Variants in POLD3 observed in about 807,000 individuals in gnomAD.
The protein encoded by POLD3 is DNA polymerase delta 3, accessory subunit, also known as DNA polymerase delta subunit 3.
In POLD3, 19 loss-of-function variants were observed where a neutral mutation model predicts 58.2. The observed-to-expected ratio is 0.33, with a 90% confidence interval of 0.23 to 0.48. POLD3 has a LOEUF of 0.48. Among genes scored for constraint, POLD3 ranks in the 20% least tolerant of loss-of-function variants. The pLI, the probability that POLD3 is intolerant of heterozygous loss-of-function variation, is 0.99. For synonymous variants in POLD3, 172 were observed against 193.5 expected (o/e 0.89, Z 0.92); for missense variants, 504 against 545.5 (o/e 0.92, Z 0.76).
intron 2 of POLD3, among the ~76,000 whole-genome samples, chr11:74,603,409 T>C (rs2031568016): frequency 6.6e-6 from 1 of 152,132 alleles, no homozygotes; most frequent in South Asian, 2.1e-4. Context: ...ATTTCTGGCT[T>C]GCGTGGTTTC....
chr11:74,652,141 CA>C (rs2033075432), intron 4 of POLD3, among the ~76,000 whole-genome samples: 1 of 152,144 alleles, frequency 6.6e-6, no homozygotes, highest in Non-Finnish European at 1.5e-5. Context: ...TCTAGATGGC[CA>C]AATTTTAGAC....
At chr11:74,617,662 A>T (rs1420861006) in intron 5 of POLD3, among the ~76,000 whole-genome samples, 1 of 152,164 alleles carries the variant, frequency 6.6e-6, no homozygotes, top group East Asian at 1.9e-4. Context: ...GGCCTCCCAA[A>T]GTGCTGGGAT....
At position 74,641,448 on chromosome 11, in the gene POLD3, A is replaced by G; in HGVS notation, c.*682A>G. The G allele has an allele frequency of 1.0e-6, 1 of 985,450 alleles. No individual in the cohort carries two copies. The highest frequency in any genetic ancestry group is 1.2e-6 in the Non-Finnish European group (1 of 829,934). 61.0% of individuals were successfully genotyped at this position (985,450 alleles called of 1,614,324 possible). ...CAATTAGTGGTTAGGGAAAAGCCTC[A>G]GGCAGAACACAAATAGAAATTTAAT... is the stretch of plus-strand genomic sequence containing the variant. On this transcript the variant is annotated 3_prime_UTR_variant, in exon 12 of 12. Coordinates refer to ENST00000263681, the MANE Select transcript of POLD3 (RefSeq NM_006591.3).
At chr11:74,659,141 C>T (rs1402490143) in intron 4 of POLD3, among the ~76,000 whole-genome samples, 1 of 152,208 alleles carries the variant, frequency 6.6e-6, no homozygotes, top group African/African-American at 2.4e-5. Context: ...GACTCCTGTG[C>T]ACCCGCAGGC....
chr11:74,596,995 A>G, intron 2 of POLD3, among the ~76,000 whole-genome samples: 1 of 152,106 alleles, frequency 6.6e-6, no homozygotes, highest in Middle Eastern at 3.2e-3. Context: ...TATTTCCTTT[A>G]TCCATTAATG....
intron 8 of POLD3, chr11:74,628,869 G>A (rs1403893677): frequency 5.9e-6 from 1 of 168,226 alleles, no homozygotes; most frequent in African/African-American, 2.4e-5. Flanking sequence ...GGCTAGCAAA[G>A]AGCCTTGTAT....
chr11:74,615,115 C>G (rs2032043292), intron 5 of POLD3, among the ~76,000 whole-genome samples: 1 of 152,190 alleles, frequency 6.6e-6, no homozygotes, highest in Non-Finnish European at 1.5e-5. Context: ...GGCCAAAGTA[C>G]TAGTTGTCTG....
chr11:74,642,509 G>C lies in POLD3; in HGVS notation c.*1743G>C. ...TTTCTAAAAATTATGCTGGGGTCTC[G>C]ACTAAAACTGAATTTGAATTGGAAA... On this transcript the variant is annotated 3_prime_UTR_variant, in exon 12 of 12. Transcript: ENST00000263681. 1 of 984,806 alleles carries C rather than the reference G, an allele frequency of 1.0e-6. No individual in the cohort carries two copies. The highest frequency in any genetic ancestry group is 1.2e-6 in the Non-Finnish European group (1 of 829,410). The allele number at this position is 984,806 out of a possible 1,614,324, so 61.0% of individuals were successfully genotyped here. A position where few individuals can be genotyped will look rare whatever the true frequency, so the allele number is the denominator to read the frequency against.
At chr11:74,609,364 A>G (rs1324278457) in intron 3 of POLD3, among the ~76,000 whole-genome samples, 1 of 43,182 alleles carries the variant, frequency 2.3e-5, no homozygotes, top group Non-Finnish European at 3.7e-5. Context: ...ATATATATAT[A>G]TATATATATT....
chr11:74,620,708 C>T (rs2032225255), intron 7 of POLD3, among the ~76,000 whole-genome samples: 1 of 152,176 alleles, frequency 6.6e-6, no homozygotes, highest in Non-Finnish European at 1.5e-5. Context: ...TATTTTCATA[C>T]TTCTCATATC....
At chr11:74,604,933 T>C (rs1304292004) in intron 3 of POLD3, 139 bp downstream of exon 3, 1 of 575,498 alleles carries the variant, frequency 1.7e-6, no homozygotes, top group African/African-American at 1.9e-5. Context: ...GATGATTATT[T>C]TGGATTTTTA....
chr11:74,636,792 C>T (rs2032763215), intron 11 of POLD3, among the ~76,000 whole-genome samples: 2 of 152,136 alleles, frequency 1.3e-5, no homozygotes, highest in Admixed American at 1.3e-4. Context: ...GGGTATGACT[C>T]ATCGAGATTG....
chr11:74,615,437 A>G (rs569586869), intron 5 of POLD3, among the ~76,000 whole-genome samples: 1 of 152,338 alleles, frequency 6.6e-6, no homozygotes, highest in South Asian at 2.1e-4. Flanking sequence ...TAAGTTAGGA[A>G]GTGAAAATTG....
intron 3 of POLD3, among the ~76,000 whole-genome samples, chr11:74,609,372 A>ATATATTTT (rs2031821525): frequency 7.4e-5 from 2 of 27,196 alleles, no homozygotes; most frequent in South Asian, 1.3e-3. Flanking sequence ...ATATATATAT[A>ATATATTTT]TTTTTTTTTT....
intron 7 of POLD3, 38 bp from the exon 8 acceptor site, chr11:74,625,370 G>A (rs368449682): frequency 4.4e-5 from 66 of 1,509,112 alleles, no homozygotes; most frequent in Non-Finnish European, 2.7e-6. Flanking sequence ...AATATTGCAT[G>A]ATGGGGTCAT....
chr11:74,618,496 C>T (rs763184968), intron 5 of POLD3, 41 bp from the exon 6 acceptor site: 15 of 1,483,934 alleles, frequency 1.0e-5, no homozygotes, highest in Non-Finnish European at 1.3e-5. Context: ...CCCAAGAATG[C>T]ATATGCTGAC....
intron 3 of POLD3, among the ~76,000 whole-genome samples, chr11:74,605,203 G>A (rs753426400): frequency 1.5e-4 from 23 of 152,128 alleles, no homozygotes; most frequent in Non-Finnish European, 3.4e-4. Flanking sequence ...GTAGGCTTAC[G>A]TCTAAGTGCC....
At chr11:74,655,757 T>C (rs2033126131) in intron 4 of POLD3, among the ~76,000 whole-genome samples, 3 of 152,172 alleles carry the variant, frequency 2.0e-5, no homozygotes. Context: ...CCATATATCA[T>C]ACTTTGTGAT....
Position 74,596,666 on chromosome 11 carries a change from T to C in POLD3, c.116+2550T>C, listed in dbSNP as rs575618182. 5.3e-5 allele frequency among the ~76,000 whole-genome samples: 8 copies of C among 152,330 alleles called. No homozygotes were observed. The East Asian group carries it at 1.3e-3, about 26-fold the overall frequency. Reference sequence around the variant, plus strand: ...CTTTTCATTTTTCAAGAATATATCATCACTAACTGTAGTCACCATGCTATA... The same window carrying C: ...CTTTTCATTTTTCAAGAATATATCACCACTAACTGTAGTCACCATGCTATA... On this transcript the variant is annotated intron_variant, in intron 2 of 11. Coordinates refer to ENST00000263681, the MANE Select transcript of POLD3 (RefSeq NM_006591.3).
Sources: allele counts gnomAD v4.1 joint callset (sites outside exome capture counted in the v4.1 genomes callset), GRCh38; gene constraint gnomAD v4.1.1; transcripts MANE v1.5; gene names NCBI Gene and HGNC (gene_info 2026-07-23, HGNC 2026-07-21).